The following INPP5F variants were observed in gnomAD, a reference collection of about 807,000 sequenced individuals.
The protein encoded by INPP5F is inositol polyphosphate-5-phosphatase F.
In INPP5F, 97 loss-of-function variants were observed where a neutral mutation model predicts 137.2. The ratio of observed to expected loss-of-function variants is 0.71; its 90% CI spans 0.60 to 0.84. INPP5F has a LOEUF of 0.84. Ranked by LOEUF, INPP5F falls within the 40% of genes least tolerant of loss-of-function variation. The probability of loss-of-function intolerance (pLI) is 0.00; values close to 1 mark genes in which losing one functional copy is unlikely to be tolerated. For synonymous variants in INPP5F, 504 were observed against 476.9 expected, an observed-to-expected ratio of 1.06 and a Z score of -0.74; for missense variants, 1,271 against 1,371.9, an observed-to-expected ratio of 0.93 and a Z score of 1.16.
intron 15 of INPP5F, among the ~76,000 whole-genome samples, chr10:119,816,843 GAC>G (rs1851299536): frequency 6.6e-6 from 1 of 152,126 alleles, no homozygotes; most frequent in Non-Finnish European, 1.5e-5. Context: ...GTTTTATTGA[GAC>G]ATATAATTCA....
At chr10:119,782,597 C>G (rs1849744341) in intron 3 of INPP5F, among the ~76,000 whole-genome samples, 1 of 152,008 alleles carries the variant, frequency 6.6e-6, no homozygotes, top group African/African-American at 2.4e-5. Context: ...TGGAGGATTG[C>G]TTGAGCTGAG....
chr10:119,808,001 A>G lies in INPP5F; in HGVS notation c.1510A>G (p.Met504Val), dbSNP rs1434119374. Residue 504 changes from methionine to valine, a missense_variant, in exon 13 of 20, where the codon ATG becomes GTG. Met to Val is a conservative substitution (Grantham distance 21). Transcript: ENST00000650623. ...PVKCNRIYQI[M>V]WANNGDSISR... ...GAAATGTAATCGCATCTACCAGATA[A>G]TGTGGGCCAATAATGGTGACTCCAT... 1.9e-6 allele frequency: 3 copies of G among 1,614,066 alleles called. No homozygotes were observed. Among genetic ancestry groups the G allele is most frequent in the Non-Finnish European group, 1.7e-6 (2 of 1,179,994 alleles).
chr10:119,769,271 G>A (rs924646992), intron 2 of INPP5F, among the ~76,000 whole-genome samples: 11 of 152,028 alleles, frequency 7.2e-5, no homozygotes, highest in Non-Finnish European at 4.4e-5. Context: ...TCATGAGTAG[G>A]GAGTCGGTTA....
intron 2 of INPP5F, among the ~76,000 whole-genome samples, chr10:119,754,552 A>G (rs1221949377): frequency 6.6e-6 from 1 of 152,194 alleles, no homozygotes; most frequent in African/African-American, 2.4e-5. Flanking sequence ...AAAAAAGGGC[A>G]GGGAAATTCT....
At position 119,811,872 on chromosome 10, in the gene INPP5F, G is replaced by C. The variant is rs988652299; in HGVS notation, c.1803G>C (p.Gln601His). The C allele has an allele frequency of 1.9e-6, 3 of 1,614,052 alleles. No homozygotes were observed. In the African/African-American group the frequency reaches 4.0e-5, roughly 22 times the overall value. ...NQRSHQELIS[Q>H]LLQSYMKLLL... is the part of the protein sequence containing the mutation. ...GAAGCCACCAGGAACTAATTAGCCA[G>C]CTCTTACAAAGTTACATGAAGTTAC... The change falls in exon 15 of 20, where the codon CAG becomes CAC. Residue 601 changes from glutamine to histidine, a missense_variant. Gln to His is a conservative substitution (Grantham distance 24). Coordinates refer to ENST00000650623, the MANE Select transcript of INPP5F (RefSeq NM_014937.4).
rs923908531 is a variant in INPP5F at position 119,827,916 on chromosome 10, G to A, written c.*136G>A. The A allele has an allele frequency of 5.1e-5, 36 of 702,302 alleles. 1 individual carries two copies. The East Asian group carries it at 6.6e-4, about 13-fold the overall frequency. The allele number at this position is 702,302 out of a possible 1,614,324, so 43.5% of individuals were successfully genotyped here. A position where few individuals can be genotyped will look rare whatever the true frequency, so the allele number is the denominator to read the frequency against. On this transcript the variant is annotated 3_prime_UTR_variant, in exon 20 of 20. Coordinates refer to ENST00000650623, the MANE Select transcript of INPP5F (RefSeq NM_014937.4). ...TTGGAAAGGGTTTTAAACGGAGTCG[G>A]AACCTGAGTAGATTTCCAAATTTTA... is the stretch of plus-strand genomic sequence containing the variant.
intron 6 of INPP5F, 128 bp from the exon 7 acceptor site, chr10:119,796,587 A>C: frequency 1.2e-6 from 1 of 800,728 alleles, no homozygotes; most frequent in East Asian, 2.5e-5. Flanking sequence ...TAAGCAGAAA[A>C]TATGGTTGAA....
intron 7 of INPP5F, 109 bp downstream of exon 7, chr10:119,797,022 T>C: frequency 9.3e-7 from 1 of 1,080,536 alleles, no homozygotes; most frequent in Non-Finnish European, 1.4e-6. Context: ...CACAGTTGGC[T>C]TCAAAGTGCT....
In INPP5F at chr10:119,808,030, C is replaced by G; in HGVS notation, c.1539C>G (p.Ser513Arg). 6.2e-7 allele frequency: 1 copy of G among 1,613,776 alleles called. No homozygotes were observed. Among genetic ancestry groups the G allele is most frequent in the Non-Finnish European group, 8.5e-7 (1 of 1,179,922 alleles). The change falls in exon 13 of 20, where the codon AGC (serine) becomes AGG (arginine). Residue 513 changes from serine (S) to arginine (R), a missense_variant. Ser to Arg is a moderately radical substitution (Grantham distance 110). Around this residue, in one of 6 missense-constraint regions of INPP5F, gnomAD observed 593 missense variants for 712.4 expected, o/e 0.83. Transcript: ENST00000650623. ...IMWANNGDSISRQYAGTAALK... is the reference protein window; with the variant it reads ...IMWANNGDSIRRQYAGTAALK... The stretch of plus-strand genomic sequence containing the variant: ...GGGCCAATAATGGTGACTCCATTAG[C>G]AGACAGTATGCTGGGACAGCTGCTC...
At chr10:119,776,540 A>G (rs1216515998) in intron 2 of INPP5F, among the ~76,000 whole-genome samples, 1 of 152,124 alleles carries the variant, frequency 6.6e-6, no homozygotes, top group African/African-American at 2.4e-5. Flanking sequence ...AAGATACTAT[A>G]TTTGATAATG....
intron 3 of INPP5F, 34 bp from the exon 4 acceptor site, chr10:119,791,482 TA>T (rs1850142245): frequency 6.5e-7 from 1 of 1,530,312 alleles, no homozygotes; most frequent in Non-Finnish European, 8.9e-7. Context: ...AAACAGGTAT[TA>T]GTAATAACAA....
At chr10:119,785,283 A>C (rs1179161279) in intron 3 of INPP5F, among the ~76,000 whole-genome samples, 4 of 83,388 alleles carry the variant, frequency 4.8e-5, no homozygotes, top group Non-Finnish European at 7.9e-5. Flanking sequence ...GAACTGCCAG[A>C]CTGTTTTTTT....
chr10:119,738,479 G>A (rs1349683475), intron 1 of INPP5F, among the ~76,000 whole-genome samples: 1 of 152,166 alleles, frequency 6.6e-6, no homozygotes, highest in East Asian at 1.9e-4. Flanking sequence ...TGCCATTCCA[G>A]TGCCTTCTGC....
chr10:119,777,386 C>T (rs917778211), intron 2 of INPP5F, among the ~76,000 whole-genome samples: 1 of 152,196 alleles, frequency 6.6e-6, no homozygotes, highest in African/African-American at 2.4e-5. Flanking sequence ...ATTAGCCAGG[C>T]GTGGTGGCGG....
At chr10:119,728,707 T>G (rs1847961562) in intron 1 of INPP5F, among the ~76,000 whole-genome samples, 1 of 152,226 alleles carries the variant, frequency 6.6e-6, no homozygotes, top group Non-Finnish European at 1.5e-5. Context: ...TATTTAAGAT[T>G]AAAATACTCA....
intron 14 of INPP5F, among the ~76,000 whole-genome samples, chr10:119,810,929 G>C (rs990922978): frequency 1.3e-5 from 2 of 152,144 alleles, no homozygotes; most frequent in African/African-American, 4.8e-5. Flanking sequence ...CAGACTAGTA[G>C]GGCCTAGACA....
At chr10:119,777,706 G>A (rs1849572796) in intron 2 of INPP5F, among the ~76,000 whole-genome samples, 2 of 152,134 alleles carry the variant, frequency 1.3e-5, no homozygotes, top group African/African-American at 4.8e-5. Flanking sequence ...AAAGGGTAAT[G>A]TTTCACATAA....
chr10:119,752,911 T>C (rs1478523413), intron 2 of INPP5F, among the ~76,000 whole-genome samples: 2 of 152,072 alleles, frequency 1.3e-5, no homozygotes, highest in Non-Finnish European at 2.9e-5. Context: ...TTGTCCTTTT[T>C]CCTCTCACTG....
In INPP5F at chr10:119,811,358, A is replaced by G. The variant is rs542847151; in HGVS notation, c.1688-399A>G. On this transcript the variant is annotated intron_variant, in intron 14 of 19. Transcript: ENST00000650623. ...GGGAATGGGATTATAATGATTTATTAAGGCTGCGCCGCATGCCCCACCAAG... is the reference window on the plus strand; with the variant it reads ...GGGAATGGGATTATAATGATTTATTGAGGCTGCGCCGCATGCCCCACCAAG... Among the ~76,000 whole-genome samples the G allele has an allele frequency of 5.3e-5, 8 of 152,346 alleles. No homozygotes were observed. The South Asian group carries it at 1.7e-3, about 32-fold the overall frequency.
Sources: gnomAD v4.1 joint callset for allele counts (sites outside exome capture counted in the v4.1 genomes callset) on GRCh38, gnomAD v4.1.1 for gene constraint, gnomAD v4.1.1 regional missense constraint, MANE v1.5 for transcripts, NCBI Gene and HGNC (gene_info 2026-07-23, HGNC 2026-07-21) for gene names.